The following WDPCP variants were observed in gnomAD, a reference collection of about 807,000 sequenced individuals.
WDPCP encodes WD repeat containing planar cell polarity effector.
In WDPCP, 71 loss-of-function variants were observed where a neutral mutation model predicts 93.1. The ratio of observed to expected loss-of-function variants is 0.76; its 90% CI spans 0.63 to 0.93. The LOEUF is 0.93. Among genes scored for constraint, WDPCP ranks in the 40% least tolerant of loss-of-function variants. WDPCP has a pLI of 0.00. For missense variants in WDPCP, 844 were observed against 887.4 expected (o/e 0.95, Z 0.62); for synonymous variants, 315 against 315.0 (o/e 1.00, Z 0.00).
chr2:63,412,729 A>C (rs975067880), intron 9 of WDPCP, among the ~76,000 whole-genome samples: 1 of 152,130 alleles, frequency 6.6e-6, no homozygotes, highest in Non-Finnish European at 1.5e-5. Context: ...TCTATACAAC[A>C]GCATCCAAGC....
chr2:63,217,489 G>A (rs1677452904), intron 14 of WDPCP, among the ~76,000 whole-genome samples: 1 of 152,148 alleles, frequency 6.6e-6, no homozygotes, highest in Admixed American at 6.5e-5. Context: ...TATTATTTAG[G>A]TTCTAACAGA....
intron 2 of WDPCP, among the ~76,000 whole-genome samples, chr2:63,733,604 A>G (rs989607001): frequency 2.6e-5 from 4 of 152,240 alleles, no homozygotes; most frequent in Non-Finnish European, 4.4e-5. Context: ...CTCGGTTACC[A>G]TAAAACACAG....
At chr2:63,146,316 C>G (rs142650055) in intron 17 of WDPCP, among the ~76,000 whole-genome samples, 2,051 of 151,848 alleles carry the variant, frequency 0.014, 53 homozygotes, top group African/African-American at 0.048. Flanking sequence ...AGCTTTTGCC[C>G]ATTCAGTATG....
upstream of WDPCP, chr2:63,590,872 G>T (rs1709185838): frequency 6.6e-6 from 1 of 152,212 alleles, no homozygotes; most frequent in Admixed American, 6.5e-5. Context: ...AGTTAGAAAA[G>T]AGCCTTCTTC....
chr2:63,789,686 T>A (rs761210615), intron 2 of WDPCP, among the ~76,000 whole-genome samples: 1 of 152,214 alleles, frequency 6.6e-6, no homozygotes, highest in African/African-American at 2.4e-5. Context: ...TGCTTTCATT[T>A]TTGAAAGGTA....
intron 15 of WDPCP, among the ~76,000 whole-genome samples, chr2:63,160,084 C>T (rs1421009816): frequency 2.6e-5 from 4 of 152,116 alleles, no homozygotes; most frequent in Admixed American, 6.5e-5. Flanking sequence ...TTCTTGTCTT[C>T]GTCCTTATTT....
At chr2:63,249,172 G>A (rs980893662) in intron 14 of WDPCP, among the ~76,000 whole-genome samples, 1 of 152,014 alleles carries the variant, frequency 6.6e-6, no homozygotes. Flanking sequence ...CTGTGTGCCG[G>A]GACAGTCCCA....
At chr2:63,716,601 T>C (rs1000506598) in intron 2 of WDPCP, among the ~76,000 whole-genome samples, 8 of 152,188 alleles carry the variant, frequency 5.3e-5, no homozygotes, top group Middle Eastern at 3.2e-3. Context: ...GTTGCTATCA[T>C]TTTATATAGG....
chr2:63,335,467 A>T (rs1688289946), intron 12 of WDPCP, among the ~76,000 whole-genome samples: 1 of 148,066 alleles, frequency 6.8e-6, no homozygotes. Context: ...TCTGTCACCC[A>T]GGCTGGAGTG....
At chr2:63,237,608 G>A (rs1384627086) in intron 14 of WDPCP, among the ~76,000 whole-genome samples, 1 of 152,126 alleles carries the variant, frequency 6.6e-6, no homozygotes, top group African/African-American at 2.4e-5. Flanking sequence ...TAATGAAAAT[G>A]TGGTACATAT....
chr2:63,359,917 A>G (rs1375627136), intron 12 of WDPCP: 1 of 152,236 alleles, frequency 6.6e-6, no homozygotes, highest in African/African-American at 2.4e-5. Context: ...CATCTCTACT[A>G]AAAACAACAA....
At chr2:63,604,554 T>C in intron 3 of WDPCP, 1 of 690,584 alleles carries the variant, frequency 1.4e-6, no homozygotes, top group East Asian at 2.8e-5. Context: ...AATTTACATT[T>C]TTTACAAGTC....
At chr2:63,830,963 G>T (rs919598554), upstream of WDPCP, among the ~76,000 whole-genome samples, 8 of 152,020 alleles carry the variant, frequency 5.3e-5, no homozygotes, top group African/African-American at 1.9e-4. Flanking sequence ...CTTGACCTCT[G>T]TCTTGTCTGT....
At chr2:63,211,061 A>G (rs1176015322) in intron 14 of WDPCP, among the ~76,000 whole-genome samples, 1 of 152,194 alleles carries the variant, frequency 6.6e-6, no homozygotes, top group Non-Finnish European at 1.5e-5. Flanking sequence ...GGCAGCAGAA[A>G]CTTCTGCAGA....
In WDPCP at chr2:63,121,373, T is replaced by A. The variant is rs1203940519; in HGVS notation, c.*633A>T. The A allele has an allele frequency of 7.6e-6, 1 of 130,928 alleles. No homozygotes were observed. The highest frequency in any genetic ancestry group is 2.3e-4 in the East Asian group (1 of 4,366). The allele number at this position is 130,928 out of a possible 1,614,324, so 8.1% of individuals were successfully genotyped here. On this transcript the variant is annotated 3_prime_UTR_variant, in exon 18 of 18. Coordinates refer to ENST00000272321, the MANE Select transcript of WDPCP (RefSeq NM_015910.7). ...GCAGAAGAGGACTTTCTTTCTTTCT[T>A]TTCTTTCTTTTTTTTTTTTTTTTTT... is the stretch of plus-strand genomic sequence containing the variant.
chr2:63,519,365 C>T (rs1191611564), intron 1 of WDPCP: 1 of 152,374 alleles, frequency 6.6e-6, no homozygotes, highest in Non-Finnish European at 1.5e-5. Context: ...CAAATGCCCA[C>T]AGAGAGGCTG....
At chr2:63,755,939 G>A (rs868294680) in intron 2 of WDPCP, among the ~76,000 whole-genome samples, 1 of 152,176 alleles carries the variant, frequency 6.6e-6, no homozygotes, top group South Asian at 2.1e-4. Flanking sequence ...TCAGAGACCA[G>A]GTAATTCTCA....
rs1458681923 is a variant in WDPCP at position 63,258,334 on chromosome 2, C to T, written c.1915+973G>A. Reference sequence around the variant, plus strand: ...GGGGAAGGAGAATGGGATTATCTTGCTAGTACCTGTCAGCCCTGGTATTCA... The same window carrying T: ...GGGGAAGGAGAATGGGATTATCTTGTTAGTACCTGTCAGCCCTGGTATTCA... On this transcript the variant is annotated intron_variant, in intron 14 of 17. Transcript: ENST00000272321. 2.0e-5 allele frequency among the ~76,000 whole-genome samples: 3 copies of T among 152,164 alleles called. No homozygotes were observed. The East Asian group carries it at 5.8e-4, about 29-fold the overall frequency.
chr2:63,520,432 GTCATCAGATTC>G (rs1411318951), intron 1 of WDPCP, among the ~76,000 whole-genome samples: 1 of 152,054 alleles, frequency 6.6e-6, no homozygotes, highest in Non-Finnish European at 1.5e-5. Context: ...AAGACAAATA[GTCATCAGATTC>G]TCCAAGGTCA....
Sources: gnomAD v4.1 joint callset for allele counts (sites outside exome capture counted in the v4.1 genomes callset) on GRCh38, gnomAD v4.1.1 for gene constraint, MANE v1.5 for transcripts, NCBI Gene and HGNC (gene_info 2026-07-23, HGNC 2026-07-21) for gene names.